The following B3GALT1 variants were observed in gnomAD, a reference collection of about 807,000 sequenced individuals.
The protein encoded by B3GALT1 is UDP-Gal:betaGlcNAc beta 1,3-galactosyltransferase, polypeptide 1.
B3GALT1 carries 10 observed loss-of-function variants against 23.2 expected under a neutral mutation model. The observed-to-expected ratio is 0.43, with a 90% CI of 0.27 to 0.73. B3GALT1 has a LOEUF of 0.73. B3GALT1 is among the 30% of genes least tolerant of loss of function. The probability of loss-of-function intolerance (pLI) is 0.21; values close to 1 mark genes in which losing one functional copy is unlikely to be tolerated. For synonymous variants in B3GALT1, 156 were observed against 141.5 expected, an observed-to-expected ratio of 1.10 and a Z score of -0.73; for missense variants, 299 against 405.4, an observed-to-expected ratio of 0.74 and a Z score of 2.25.
At chr2:167,853,296 G>A (rs1689939394) in intron 4 of B3GALT1, among the ~76,000 whole-genome samples, 1 of 152,048 alleles carries the variant, frequency 6.6e-6, no homozygotes, top group South Asian at 2.1e-4. Context: ...CTCTGCAAAT[G>A]TTCTTAACTT....
chr2:167,726,405 C>G (rs969415907), intron 3 of B3GALT1, among the ~76,000 whole-genome samples: 5 of 152,154 alleles, frequency 3.3e-5, no homozygotes, highest in African/African-American at 1.2e-4. Flanking sequence ...TTGCCCTGCC[C>G]AAGACAGAGA....
chr2:167,815,483 G>A (rs1202249416), intron 3 of B3GALT1, among the ~76,000 whole-genome samples: 1 of 152,174 alleles, frequency 6.6e-6, no homozygotes, highest in Non-Finnish European at 1.5e-5. Flanking sequence ...AGGATCAAAT[G>A]TAGCCAGATG....
At chr2:167,715,930 A>G (rs1687135643) in intron 3 of B3GALT1, 7 of 1,613,074 alleles carry the variant, frequency 4.3e-6, no homozygotes, top group Non-Finnish European at 5.1e-6. Flanking sequence ...ACAGCTGCGC[A>G]TACCACCAGT....
At chr2:167,781,226 A>G (rs1361894297) in intron 3 of B3GALT1, among the ~76,000 whole-genome samples, 1 of 152,212 alleles carries the variant, frequency 6.6e-6, no homozygotes, top group Non-Finnish European at 1.5e-5. Context: ...TAATACTCAG[A>G]GTTCTTTAAT....
At chr2:167,487,958 A>G (rs891053896) in intron 1 of B3GALT1, among the ~76,000 whole-genome samples, 6 of 152,184 alleles carry the variant, frequency 3.9e-5, no homozygotes, top group Non-Finnish European at 8.8e-5. Context: ...GCTCATGGAA[A>G]AGAAGGTCAT....
intron 2 of B3GALT1, among the ~76,000 whole-genome samples, chr2:167,579,948 T>C (rs147411249): frequency 7.9e-4 from 120 of 152,258 alleles, no homozygotes; most frequent in Non-Finnish European, 1.3e-3. Flanking sequence ...GATTGATAGA[T>C]GGTAGAGTTC....
At chr2:167,340,091 T>C (rs760330895) in intron 1 of B3GALT1, among the ~76,000 whole-genome samples, 1 of 152,170 alleles carries the variant, frequency 6.6e-6, no homozygotes, top group Non-Finnish European at 1.5e-5. Flanking sequence ...ATTTCTTGCA[T>C]GTATGCACTG....
At chr2:167,650,468 T>A (rs1685842023) in intron 3 of B3GALT1, among the ~76,000 whole-genome samples, 2 of 151,772 alleles carry the variant, frequency 1.3e-5, no homozygotes, top group South Asian at 4.1e-4. Flanking sequence ...TATGCATATG[T>A]CATATTGGTC....
At chr2:167,626,807 A>G (rs11883712) in intron 2 of B3GALT1, among the ~76,000 whole-genome samples, 102,358 of 151,518 alleles carry the variant, frequency 0.68, 35,914 homozygotes, top group Admixed American at 0.81. Context: ...TAAATATTCA[A>G]TTAAGCATCT....
At chr2:167,863,636 G>A (rs1249123013) in intron 4 of B3GALT1, among the ~76,000 whole-genome samples, 1 of 152,180 alleles carries the variant, frequency 6.6e-6, no homozygotes, top group South Asian at 2.1e-4. Flanking sequence ...AATCTTTAGA[G>A]TTCCGTGCAT....
chr2:167,734,871 T>C (rs576946880), intron 3 of B3GALT1, among the ~76,000 whole-genome samples: 1 of 152,198 alleles, frequency 6.6e-6, no homozygotes, highest in African/African-American at 2.4e-5. Flanking sequence ...CCATCCATCT[T>C]TCTTTGCTTG....
At chr2:167,597,055 T>C (rs1319666470) in intron 2 of B3GALT1, among the ~76,000 whole-genome samples, 1 of 152,026 alleles carries the variant, frequency 6.6e-6, no homozygotes, top group Non-Finnish European at 1.5e-5. Context: ...GGCTATTCCA[T>C]CTACTGTGGT....
At chr2:167,544,295 G>A (rs1296070539) in intron 2 of B3GALT1, among the ~76,000 whole-genome samples, 1 of 152,032 alleles carries the variant, frequency 6.6e-6, no homozygotes, top group Admixed American at 6.6e-5. Context: ...TGGATTTTTT[G>A]TTTGTTTGTT....
At chr2:167,832,811 T>G (rs1240399502) in intron 4 of B3GALT1, among the ~76,000 whole-genome samples, 1 of 152,228 alleles carries the variant, frequency 6.6e-6, no homozygotes, top group Admixed American at 6.5e-5. Flanking sequence ...GTGAGGGTAG[T>G]GCAGTGTAGT....
At chr2:167,613,043 A>C (rs1298737508) in intron 2 of B3GALT1, among the ~76,000 whole-genome samples, 1 of 151,936 alleles carries the variant, frequency 6.6e-6, no homozygotes, top group African/African-American at 2.4e-5. Context: ...AAAGAGGAGC[A>C]ATGGGGACAG....
In B3GALT1 at chr2:167,393,221, G is replaced by A. The variant is rs138282394; in HGVS notation, c.-510-96956G>A. 1.3e-4 allele frequency among the ~76,000 whole-genome samples: 20 copies of A among 149,732 alleles called. 1 individual carries two copies. The highest frequency in any genetic ancestry group is 3.7e-4 in the African/African-American group (15 of 40,558). ...TGCACTCCAGCCTGGGCGACAGAGC[G>A]AGACTCCGTCTCAAAAGAAAAAAAA... On this transcript the variant is annotated intron_variant, in intron 1 of 4. Transcript: ENST00000392690.
Position 167,569,808 on chromosome 2 carries a change from ATTC to A in B3GALT1, c.-409-77095_-409-77093del, listed in dbSNP as rs528629839. Among the ~76,000 whole-genome samples, 23 of 152,034 alleles carry A rather than the reference ATTC, an allele frequency of 1.5e-4. No homozygotes were observed. In the South Asian group the frequency reaches 4.1e-3, roughly 27 times the overall value. ...TGGTAGCTGTAAGGTTTATGTAGAT[ATTC>A]TTCTTAAGTTGAGGAAGTTCTCATC... is the stretch of plus-strand genomic sequence containing the variant. On this transcript the variant is annotated intron_variant, in intron 2 of 4. Coordinates refer to ENST00000392690, the MANE Select transcript of B3GALT1 (RefSeq NM_020981.4).
intron 1 of B3GALT1, among the ~76,000 whole-genome samples, chr2:167,461,348 C>A (rs961082751): frequency 4.6e-5 from 7 of 152,198 alleles, no homozygotes; most frequent in South Asian, 2.1e-4. Flanking sequence ...AAGTTTCAAA[C>A]CTTCCATAGA....
At chr2:167,450,750 G>A (rs1699076585) in intron 1 of B3GALT1, among the ~76,000 whole-genome samples, 1 of 152,064 alleles carries the variant, frequency 6.6e-6, no homozygotes. Flanking sequence ...CTCTACCAAG[G>A]CCAGGGAAGT....
Sources: gnomAD v4.1 joint callset for allele counts (sites outside exome capture counted in the v4.1 genomes callset) on GRCh38, gnomAD v4.1.1 for gene constraint, MANE v1.5 for transcripts, NCBI Gene and HGNC (gene_info 2026-07-23, HGNC 2026-07-21) for gene names.